Variants in PANK3 observed in about 807,000 individuals in gnomAD.
PANK3 encodes pantothenate kinase 3, also known as hPanK3.
PANK3 carries 20 observed loss-of-function variants against 39.4 expected under a neutral mutation model. That is an observed-to-expected ratio of 0.51 (90% CI 0.36 to 0.74). The LOEUF (loss-of-function observed/expected upper bound fraction) is 0.74. Among genes scored for constraint, PANK3 ranks in the 30% least tolerant of loss-of-function variants. The pLI, the probability that PANK3 is intolerant of heterozygous loss-of-function variation, is 0.00. For missense variants in PANK3, 265 were observed against 437.0 expected (o/e 0.61, Z 3.51); for synonymous variants, 140 against 157.3 (o/e 0.89, Z 0.82).
At chr5:168,562,303 T>C (rs183853373) in intron 4 of PANK3, among the ~76,000 whole-genome samples, 2 of 152,096 alleles carry the variant, frequency 1.3e-5, no homozygotes, top group Non-Finnish European at 2.9e-5. Flanking sequence ...TAAGAAGGTA[T>C]GAGGCAGGGC....
rs1363638586 is a variant in PANK3 at position 168,555,826 on chromosome 5, CTTA to C, written c.*1742_*1744del. 6.6e-6 allele frequency: 1 copy of C among 152,170 alleles called. No individual in the cohort carries two copies. The highest frequency in any genetic ancestry group is 1.5e-5 in the Non-Finnish European group (1 of 68,016). The allele number at this position is 152,170 out of a possible 1,614,324, so 9.4% of individuals were successfully genotyped here. ...TATTTTATACAAACAAACTGTATTT[CTTA>C]TTATTCCTGAAATATCTCATATTGG... On this transcript the variant is annotated 3_prime_UTR_variant, in exon 7 of 7. Transcript: ENST00000239231.
chr5:168,575,681 G>T (rs1049281226), intron 1 of PANK3, among the ~76,000 whole-genome samples: 1 of 152,182 alleles, frequency 6.6e-6, no homozygotes, highest in Non-Finnish European at 1.5e-5. Context: ...AGCTACTGGG[G>T]AGGCTGAGGG....
rs1759366799 is a variant in PANK3 at position 168,557,467 on chromosome 5, C to T, written c.*104G>A. ...TGGCAACATTCAGCAGCTTATGCTA[C>T]TCTTTTATCCTTTGGTTCCCAGTGA... is the stretch of plus-strand genomic sequence containing the variant. On this transcript the variant is annotated 3_prime_UTR_variant, in exon 7 of 7. Transcript: ENST00000239231. 2 of 1,009,182 alleles carry T rather than the reference C, an allele frequency of 2.0e-6. No homozygotes were observed. The highest frequency in any genetic ancestry group is 3.0e-6 in the Non-Finnish European group (2 of 658,812). 62.5% of individuals were successfully genotyped at this position (1,009,182 alleles called of 1,614,324 possible).
chr5:168,576,585 T>C (rs190869824), intron 1 of PANK3, among the ~76,000 whole-genome samples: 5 of 152,356 alleles, frequency 3.3e-5, no homozygotes, highest in South Asian at 2.1e-4. Context: ...GGTTAATATA[T>C]GCATTCGGGT....
intron 1 of PANK3, among the ~76,000 whole-genome samples, chr5:168,574,809 T>C (rs1759706032): frequency 6.6e-6 from 1 of 151,904 alleles, no homozygotes; most frequent in Admixed American, 6.6e-5. Flanking sequence ...TGCAGTGAGC[T>C]GACATCATAC....
At chr5:168,575,958 G>A (rs1759725106) in intron 1 of PANK3, among the ~76,000 whole-genome samples, 1 of 152,062 alleles carries the variant, frequency 6.6e-6, no homozygotes, top group Non-Finnish European at 1.5e-5. Flanking sequence ...TCTAGATAAC[G>A]CTTCAACTTC....
intron 2 of PANK3, 72 bp downstream of exon 2, chr5:168,568,574 A>G: frequency 8.7e-7 from 1 of 1,146,598 alleles, no homozygotes. Context: ...ATTAAGGAAC[A>G]TGCTAGATGG....
chr5:168,575,143 G>A (rs1023142579), intron 1 of PANK3, among the ~76,000 whole-genome samples: 21 of 152,092 alleles, frequency 1.4e-4, no homozygotes, highest in African/African-American at 4.8e-4. Flanking sequence ...CAGACTGTGA[G>A]AATTATTAGA....
chr5:168,560,892 G>A (rs1170669434), intron 5 of PANK3: 3 of 487,628 alleles, frequency 6.2e-6, no homozygotes, highest in Non-Finnish European at 1.3e-5. Flanking sequence ...TGAAGAACAG[G>A]TCTCAATGCC....
rs897334940 is a variant in PANK3, at chr5:168,555,262, T to G, written c.*2309A>C. On this transcript the variant is annotated 3_prime_UTR_variant, in exon 7 of 7. Transcript: ENST00000239231. ...ATTGGAAACAGATGATTCTTTTTTT[T>G]GAGACAGAGTCTCACTCTGTCGCCC... The G allele has an allele frequency of 1.3e-5, 2 of 152,232 alleles. No homozygotes were observed. Among genetic ancestry groups the G allele is most frequent in the East Asian group, 1.9e-4 (1 of 5,194 alleles). The allele number at this position is 152,232 out of a possible 1,614,324, so 9.4% of individuals were successfully genotyped here.
Position 168,579,245 on chromosome 5 carries a change from C to A in PANK3, c.28+11G>T. On this transcript the variant is annotated intron_variant, in intron 1 of 6. Transcript: ENST00000239231. ...CCCTCCCAACCTGGCGGGCCCCAGCCCCCGTCTTACAGGGTTTCTTGGCAT... is the reference window on the plus strand; with the variant it reads ...CCCTCCCAACCTGGCGGGCCCCAGCACCCGTCTTACAGGGTTTCTTGGCAT... 1 of 1,492,286 alleles carries A rather than the reference C, an allele frequency of 6.7e-7. No homozygotes were observed. Among genetic ancestry groups the A allele is most frequent in the South Asian group, 1.3e-5 (1 of 77,054 alleles). 92.4% of individuals were successfully genotyped at this position (1,492,286 alleles called of 1,614,324 possible). A position where few individuals can be genotyped will look rare whatever the true frequency, so the allele number is the denominator to read the frequency against.
At chr5:168,565,604 G>A (rs1339584646) in intron 3 of PANK3, among the ~76,000 whole-genome samples, 2 of 151,754 alleles carry the variant, frequency 1.3e-5, no homozygotes, top group Non-Finnish European at 2.9e-5. Flanking sequence ...TAGAAAAAAC[G>A]TTACCAGACT....
At position 168,557,296 on chromosome 5, in the gene PANK3, G is replaced by T; in HGVS notation, c.*275C>A. On this transcript the variant is annotated 3_prime_UTR_variant, in exon 7 of 7. Transcript: ENST00000239231. Reference sequence around the variant, plus strand: ...TTTGAGCATACAGTACTGCAATGTTGGCTACATAAAATAAAAAAATCTTTT... The same window carrying T: ...TTTGAGCATACAGTACTGCAATGTTTGCTACATAAAATAAAAAAATCTTTT... 11 of 320,474 alleles carry T rather than the reference G, an allele frequency of 3.4e-5. No individual in the cohort carries two copies. Among genetic ancestry groups the T allele is most frequent in the East Asian group, 6.7e-5 (1 of 15,016 alleles). 19.9% of individuals were successfully genotyped at this position (320,474 alleles called of 1,614,324 possible).
intron 1 of PANK3, among the ~76,000 whole-genome samples, chr5:168,570,148 C>T (rs550559419): frequency 5.3e-5 from 8 of 152,094 alleles, no homozygotes; most frequent in African/African-American, 1.7e-4. Flanking sequence ...TTTGGGAGGC[C>T]GAGACGGGTG....
In PANK3 at chr5:168,557,796, T is replaced by A. The variant is rs547618592; in HGVS notation, c.1063-175A>T. ...ATTTTCTGAATCTGTATTCTTGATG[T>A]CTACACACCTTTGAAATATGTATTT... is the stretch of plus-strand genomic sequence containing the variant. On this transcript the variant is annotated intron_variant, in intron 6 of 6. Coordinates refer to ENST00000239231, the MANE Select transcript of PANK3 (RefSeq NM_024594.4). Among the ~76,000 whole-genome samples, 7 of 152,384 alleles carry A rather than the reference T, an allele frequency of 4.6e-5. No individual in the cohort carries two copies. In the East Asian group the frequency reaches 1.3e-3, roughly 29 times the overall value.
chr5:168,564,850 A>T (rs1030158999), intron 3 of PANK3, among the ~76,000 whole-genome samples: 1 of 152,240 alleles, frequency 6.6e-6, no homozygotes, highest in African/African-American at 2.4e-5. Flanking sequence ...ACCTACACAT[A>T]AATACAATGA....
intron 5 of PANK3, chr5:168,560,806 T>C (rs2113109470): frequency 4.3e-6 from 1 of 233,188 alleles, no homozygotes; most frequent in East Asian, 1.0e-4. Context: ...AAACAAAGAA[T>C]CCCAACTATA....
At position 168,549,394 on chromosome 5, in the gene PANK3, T is replaced by G. The variant is rs1759241038; in HGVS notation, c.*8177A>C. 6.6e-6 allele frequency: 1 copy of G among 152,190 alleles called. No individual in the cohort carries two copies. Among genetic ancestry groups the G allele is most frequent in the South Asian group, 2.1e-4 (1 of 4,826 alleles). The allele number at this position is 152,190 out of a possible 1,614,324, so 9.4% of individuals were successfully genotyped here. On this transcript the variant is annotated 3_prime_UTR_variant, in exon 7 of 7. Coordinates refer to ENST00000239231, the MANE Select transcript of PANK3 (RefSeq NM_024594.4). ...AATGTAAAGTTGAAATAATCCCAAA[T>G]TATTTTACATTATTTATGTATACTT... is the stretch of plus-strand genomic sequence containing the variant.
At chr5:168,572,327 T>G (rs1036058179) in intron 1 of PANK3, among the ~76,000 whole-genome samples, 1 of 151,774 alleles carries the variant, frequency 6.6e-6, no homozygotes, top group Non-Finnish European at 1.5e-5. Flanking sequence ...TTGACTAGGA[T>G]GGTTTTGATC....
Sources: allele counts gnomAD v4.1 joint callset (sites outside exome capture counted in the v4.1 genomes callset), GRCh38; gene constraint gnomAD v4.1.1; transcripts MANE v1.5; gene names NCBI Gene and HGNC (gene_info 2026-07-23, HGNC 2026-07-21).